EYA4: variants seen among roughly 807,000 people sequenced by gnomAD.
EYA4 encodes the protein EYA transcriptional coactivator and phosphatase 4.
Under a neutral mutation model 87.9 loss-of-function variants are expected in EYA4, and 31 were observed. The observed-to-expected ratio is 0.35, with a 90% CI of 0.27 to 0.48. EYA4 has a LOEUF of 0.48. Ranked by LOEUF, EYA4 falls within the 20% of genes least tolerant of loss-of-function variation. The probability of loss-of-function intolerance (pLI) is 0.99; values close to 1 mark genes in which losing one functional copy is unlikely to be tolerated. For missense variants in EYA4, 678 were observed against 761.4 expected, an observed-to-expected ratio of 0.89 and a Z score of 1.29; for synonymous variants, 263 against 270.6, an observed-to-expected ratio of 0.97 and a Z score of 0.28.
rs756290444 is a variant in EYA4 at position 133,462,339 on chromosome 6, T to C, written c.442T>C (p.Tyr148His). 6.2e-7 allele frequency: 1 copy of C among 1,614,000 alleles called. No homozygotes were observed. The highest frequency in any genetic ancestry group is 1.7e-5 in the Admixed American group (1 of 60,006). Reference protein sequence around the residue: ...YSPQLYPSKPYPHILSTPAAQ... With the variant: ...YSPQLYPSKPHPHILSTPAAQ... ...TGCTATTTTTCTGATATTTAGGCCC[T>C]ATCCACACATTCTTTCTACACCAGC... Residue 148 changes from tyrosine (Y) to histidine (H), a missense_variant, in exon 8 of 20, where the codon TAT becomes CAT. Coordinates refer to ENST00000355286, the MANE Select transcript of EYA4 (RefSeq NM_004100.5).
chr6:133,407,990 G>A (rs962937384), intron 3 of EYA4, among the ~76,000 whole-genome samples: 1 of 152,092 alleles, frequency 6.6e-6, no homozygotes, highest in East Asian at 1.9e-4. Context: ...ATTAAGAGCT[G>A]AACATGAAAA....
At chr6:133,357,409 A>C (rs760357061) in intron 2 of EYA4, among the ~76,000 whole-genome samples, 4 of 152,196 alleles carry the variant, frequency 2.6e-5, no homozygotes, top group African/African-American at 4.8e-5. Flanking sequence ...TTTTGCAGAA[A>C]TATCTGAATG....
At position 133,292,466 on chromosome 6, in the gene EYA4, G is replaced by A. The variant is rs367877483; in HGVS notation, c.33+17653G>A. Among the ~76,000 whole-genome samples, 7 of 152,176 alleles carry A rather than the reference G, an allele frequency of 4.6e-5. No homozygotes were observed. The East Asian group carries it at 1.4e-3, about 29-fold the overall frequency. ...AATATCAAATAGCTTGAGCATTAAG[G>A]GAATTAATTGAAGGCCTTAGGATAT... On this transcript the variant is annotated intron_variant, in intron 2 of 19. Transcript: ENST00000355286.
rs1257053492 is a variant in EYA4 at position 133,350,486 on chromosome 6, G to A, written c.34-31906G>A. Among the ~76,000 whole-genome samples, 5 of 152,158 alleles carry A rather than the reference G, an allele frequency of 3.3e-5. No individual in the cohort carries two copies. In the South Asian group the frequency reaches 1.0e-3, roughly 32 times the overall value. ...GAGCACAGACCAGTTGGCAAGAAAG[G>A]CAACCGTTCAAATATGTGGGCAGAG... On this transcript the variant is annotated intron_variant, in intron 2 of 19. Coordinates refer to ENST00000355286, the MANE Select transcript of EYA4 (RefSeq NM_004100.5).
At chr6:133,455,909 A>G (rs1320719612) in intron 5 of EYA4, among the ~76,000 whole-genome samples, 1 of 152,174 alleles carries the variant, frequency 6.6e-6, no homozygotes, top group African/African-American at 2.4e-5. Context: ...ATTACCACGT[A>G]GAAATAACAT....
chr6:133,494,515 A>C (rs1344991522), intron 13 of EYA4, among the ~76,000 whole-genome samples: 1 of 152,062 alleles, frequency 6.6e-6, no homozygotes, highest in Admixed American at 6.6e-5. Flanking sequence ...GGGTGACTGT[A>C]GTCAACAATA....
intron 3 of EYA4, among the ~76,000 whole-genome samples, chr6:133,411,611 G>A (rs1411546104): frequency 6.6e-6 from 1 of 151,726 alleles, no homozygotes; most frequent in African/African-American, 2.4e-5. Context: ...TTCATAAAAT[G>A]TATGACTCAG....
At chr6:133,260,418 A>C (rs1775705240) in intron 1 of EYA4, among the ~76,000 whole-genome samples, 1 of 152,008 alleles carries the variant, frequency 6.6e-6, no homozygotes, top group Non-Finnish European at 1.5e-5. Context: ...TTGTATTTTT[A>C]GTAGAAAAGG....
intron 5 of EYA4, among the ~76,000 whole-genome samples, chr6:133,451,797 C>T (rs1793469762): frequency 6.6e-6 from 1 of 152,070 alleles, no homozygotes; most frequent in Admixed American, 6.5e-5. Context: ...GAATAGAAAT[C>T]AGACATTCTG....
At chr6:133,397,205 C>T (rs169827) in intron 3 of EYA4, among the ~76,000 whole-genome samples, 10,507 of 152,270 alleles carry the variant, frequency 0.069, 535 homozygotes, top group Non-Finnish European at 0.11. Context: ...CACAACCCCT[C>T]AATACCTTAG....
At chr6:133,326,337 CTT>C (rs2128369954) in intron 2 of EYA4, among the ~76,000 whole-genome samples, 1 of 152,284 alleles carries the variant, frequency 6.6e-6, no homozygotes, top group South Asian at 2.1e-4. Flanking sequence ...ATCTGAAACT[CTT>C]TGAGCATCAA....
chr6:133,357,373 C>T (rs1228750936), intron 2 of EYA4, among the ~76,000 whole-genome samples: 1 of 151,142 alleles, frequency 6.6e-6, no homozygotes, highest in Non-Finnish European at 1.5e-5. Flanking sequence ...AAAGGGGGGA[C>T]CTTTGTATTA....
intron 3 of EYA4, among the ~76,000 whole-genome samples, chr6:133,446,148 T>C (rs1321457529): frequency 2.6e-5 from 4 of 152,046 alleles, no homozygotes; most frequent in Admixed American, 6.6e-5. Context: ...GGATGCCAAA[T>C]TTAGGTAATT....
chr6:133,412,989 A>C (rs1397828666), intron 3 of EYA4, among the ~76,000 whole-genome samples: 1 of 152,154 alleles, frequency 6.6e-6, no homozygotes, highest in Non-Finnish European at 1.5e-5. Context: ...TCATGTGTAC[A>C]CTTACATATA....
chr6:133,442,272 T>C (rs1049294999), intron 3 of EYA4, among the ~76,000 whole-genome samples: 2 of 152,156 alleles, frequency 1.3e-5, no homozygotes, highest in African/African-American at 4.8e-5. Context: ...GCATAGTATT[T>C]CTTTTGTGTT....
intron 13 of EYA4, among the ~76,000 whole-genome samples, chr6:133,492,588 A>G (rs1797282329): frequency 6.6e-6 from 1 of 152,224 alleles, no homozygotes. Context: ...TCAGCATAGT[A>G]CTGGAAGTCC....
intron 3 of EYA4, among the ~76,000 whole-genome samples, chr6:133,424,652 G>T (rs1484113619): frequency 7.0e-6 from 1 of 142,224 alleles, no homozygotes; most frequent in Non-Finnish European, 1.5e-5. Flanking sequence ...GAAGGGGCGG[G>T]ACTCCTACTT....
rs1796360086 is a variant in EYA4, at chr6:133,483,105, A to G, written c.1181A>G (p.Lys394Arg). 8.7e-6 allele frequency: 14 copies of G among 1,610,164 alleles called. No individual in the cohort carries two copies. The highest frequency in any genetic ancestry group is 1.2e-5 in the Non-Finnish European group (14 of 1,176,720). ...HSLLTGSYAQ[K>R]YGKDPPMAVT... ...CTGCTCACCGGGTCTTATGCACAGA[A>G]GTATGGCAAGGTAAGAAATCAAGAA... Residue 394 changes from lysine to arginine, a missense_variant, in exon 13 of 20, where the codon AAG (lysine) becomes AGG (arginine). Coordinates refer to ENST00000355286, the MANE Select transcript of EYA4 (RefSeq NM_004100.5).
At chr6:133,405,020 C>T (rs535635906) in intron 3 of EYA4, among the ~76,000 whole-genome samples, 1 of 152,256 alleles carries the variant, frequency 6.6e-6, no homozygotes, top group East Asian at 1.9e-4. Context: ...CTTAGTTCCT[C>T]AACTTTTATT....
Sources: gnomAD v4.1 joint callset for allele counts (sites outside exome capture counted in the v4.1 genomes callset) on GRCh38, gnomAD v4.1.1 for gene constraint, MANE v1.5 for transcripts, NCBI Gene and HGNC (gene_info 2026-07-23, HGNC 2026-07-21) for gene names.